Variants in COL22A1 observed in about 807,000 individuals in gnomAD.
COL22A1 encodes collagen type XXII alpha 1 chain.
COL22A1 carries 221 observed loss-of-function variants against 248.9 expected under a neutral mutation model. That is an observed-to-expected ratio of 0.89 (90% CI 0.80 to 0.99). The LOEUF is 0.99. COL22A1 is among the 50% of genes least tolerant of loss of function. The pLI is 0.00. For synonymous variants in COL22A1, 891 were observed against 793.4 expected (o/e 1.12, Z -2.07); for missense variants, 2,240 against 2,179.0 (o/e 1.03, Z -0.56).
At chr8:138,754,851 C>T (rs1832864300) in intron 21 of COL22A1, among the ~76,000 whole-genome samples, 1 of 152,180 alleles carries the variant, frequency 6.6e-6, no homozygotes, top group African/African-American at 2.4e-5. Context: ...GAAAATAAAA[C>T]ATCAAACTGA....
intron 1 of COL22A1, among the ~76,000 whole-genome samples, chr8:138,906,585 A>AT (rs75663555): frequency 1 from 152,113 of 152,118 alleles, 76,054 homozygotes; most frequent in Middle Eastern, 1. Flanking sequence ...TCTTTCTTGT[A>AT]TTTTTAATTG....
intron 3 of COL22A1, among the ~76,000 whole-genome samples, chr8:138,856,718 A>T (rs1341892674): frequency 6.6e-6 from 1 of 152,192 alleles, no homozygotes; most frequent in African/African-American, 2.4e-5. Flanking sequence ...AGACAGAGGC[A>T]GTGAGAGAGA....
At chr8:138,719,268 C>G (rs1829687154) in intron 27 of COL22A1, among the ~76,000 whole-genome samples, 1 of 152,104 alleles carries the variant, frequency 6.6e-6, no homozygotes, top group African/African-American at 2.4e-5. Flanking sequence ...AAACACACAG[C>G]AAATTACATG....
intron 3 of COL22A1, among the ~76,000 whole-genome samples, chr8:138,858,385 A>T (rs112404854): frequency 0.011 from 1,638 of 150,442 alleles, 27 homozygotes; most frequent in African/African-American, 0.038. Flanking sequence ...TTTTGTTTTG[A>T]TTTGTTTTGT....
intron 4 of COL22A1, among the ~76,000 whole-genome samples, chr8:138,841,217 A>G (rs1194256425): frequency 6.6e-6 from 1 of 152,208 alleles, no homozygotes; most frequent in Non-Finnish European, 1.5e-5. Context: ...CATTTGTCAC[A>G]TTCCTTCTAA....
intron 3 of COL22A1, among the ~76,000 whole-genome samples, chr8:138,844,471 T>C (rs762911363): frequency 2.6e-5 from 4 of 152,184 alleles, no homozygotes; most frequent in African/African-American, 9.7e-5. Context: ...ATTAACAACA[T>C]AGCGGAATAA....
intron 35 of COL22A1, among the ~76,000 whole-genome samples, chr8:138,693,214 CTGTA>C (rs1191899557): frequency 6.6e-6 from 1 of 152,012 alleles, no homozygotes; most frequent in Non-Finnish European, 1.5e-5. Flanking sequence ...ATAGAGGTGT[CTGTA>C]TGTTTTCCTG....
chr8:138,907,898 T>C (rs953606674), intron 1 of COL22A1, among the ~76,000 whole-genome samples: 1 of 152,198 alleles, frequency 6.6e-6, no homozygotes, highest in African/African-American at 2.4e-5. Context: ...TGTGCCCTCA[T>C]GACCCAATCA....
intron 22 of COL22A1, among the ~76,000 whole-genome samples, chr8:138,745,875 G>A (rs994781546): frequency 2.6e-5 from 4 of 152,180 alleles, no homozygotes; most frequent in Non-Finnish European, 5.9e-5. Context: ...CTAGATGACA[G>A]TGCTCCCTGA....
At chr8:138,740,274 A>G (rs1349444162) in intron 22 of COL22A1, among the ~76,000 whole-genome samples, 2 of 152,214 alleles carry the variant, frequency 1.3e-5, no homozygotes, top group Non-Finnish European at 2.9e-5. Flanking sequence ...TGTTGAGAGG[A>G]AAGACTGAAA....
Position 138,604,699 on chromosome 8 carries a change from G to A in COL22A1, c.4140+35C>T, listed in dbSNP as rs553570672. ...CATAGACTGCCCATTGGTGGTAAAGGGTTGCCAAGGGGTGAGTGGGCGTGT... is the reference window on the plus strand; with the variant it reads ...CATAGACTGCCCATTGGTGGTAAAGAGTTGCCAAGGGGTGAGTGGGCGTGT... On this transcript the variant is annotated intron_variant, in intron 59 of 64. Transcript: ENST00000303045. 17 of 1,603,760 alleles carry A rather than the reference G, an allele frequency of 1.1e-5. 1 individual carries two copies. The East Asian group carries it at 3.6e-4, about 34-fold the overall frequency.
intron 37 of COL22A1, among the ~76,000 whole-genome samples, chr8:138,687,983 A>G (rs1262843023): frequency 6.6e-6 from 1 of 152,196 alleles, no homozygotes; most frequent in Non-Finnish European, 1.5e-5. Flanking sequence ...CCTAGCTTAT[A>G]TCAATGCAAC....
At chr8:138,813,413 T>C (rs1818408733) in intron 7 of COL22A1, among the ~76,000 whole-genome samples, 1 of 152,228 alleles carries the variant, frequency 6.6e-6, no homozygotes, top group Admixed American at 6.5e-5. Context: ...TTCTTGGCTC[T>C]CATTCTCTCT....
intron 38 of COL22A1, among the ~76,000 whole-genome samples, chr8:138,684,707 TCA>T (rs1826207930): frequency 6.6e-6 from 1 of 152,178 alleles, no homozygotes; most frequent in African/African-American, 2.4e-5. Flanking sequence ...TTAGCCTCTC[TCA>T]GTTTGCTTTC....
intron 3 of COL22A1, among the ~76,000 whole-genome samples, chr8:138,850,806 G>A (rs1173086121): frequency 1.3e-5 from 2 of 152,212 alleles, no homozygotes; most frequent in African/African-American, 4.8e-5. Flanking sequence ...AAACAGAGGC[G>A]AAAGTCCCTC....
chr8:138,606,921 G>T (rs1003004399), intron 57 of COL22A1, among the ~76,000 whole-genome samples: 6 of 152,128 alleles, frequency 3.9e-5, no homozygotes, highest in African/African-American at 1.2e-4. Context: ...TGCACTAGGG[G>T]AGGTGATGGG....
intron 41 of COL22A1, among the ~76,000 whole-genome samples, chr8:138,675,332 T>G (rs1371223549): frequency 6.6e-6 from 1 of 152,182 alleles, no homozygotes; most frequent in Admixed American, 6.5e-5. Flanking sequence ...GGGTAATAAG[T>G]TGGATTTTCC....
At chr8:138,803,373 T>C (rs1320757206) in intron 10 of COL22A1, among the ~76,000 whole-genome samples, 1 of 152,062 alleles carries the variant, frequency 6.6e-6, no homozygotes, top group African/African-American at 2.4e-5. Context: ...ATAAAGGTGC[T>C]TTGAAAACTT....
intron 1 of COL22A1, among the ~76,000 whole-genome samples, chr8:138,899,314 G>A (rs1814369460): frequency 6.6e-6 from 1 of 152,100 alleles, no homozygotes. Flanking sequence ...CCACTTTACG[G>A]ATAAAAAAGG....
Sources: gnomAD v4.1 joint callset for allele counts (sites outside exome capture counted in the v4.1 genomes callset) on GRCh38, gnomAD v4.1.1 for gene constraint, MANE v1.5 for transcripts, NCBI Gene and HGNC (gene_info 2026-07-23, HGNC 2026-07-21) for gene names.